EPB42: variants seen among roughly 807,000 people sequenced by gnomAD.
EPB42 encodes protein 4.2.
A neutral mutation model predicts 76.9 loss-of-function variants in EPB42; 49 were observed. That is an observed-to-expected ratio of 0.64 (90% CI 0.51 to 0.81). EPB42 has a LOEUF of 0.81. Ranked by LOEUF, EPB42 falls within the 30% of genes least tolerant of loss-of-function variation. EPB42 has a pLI of 0.00. For synonymous variants in EPB42, 310 were observed against 338.4 expected (o/e 0.92, Z 0.92); for missense variants, 731 against 867.6 (o/e 0.84, Z 1.98).
In EPB42 at chr15:43,208,702, A is replaced by G. The variant is rs1225115307; in HGVS notation, c.906T>C (p.Leu302=). 1 of 1,614,018 alleles carries G rather than the reference A, an allele frequency of 6.2e-7. No homozygotes were observed. The highest frequency in any genetic ancestry group is 8.5e-7 in the Non-Finnish European group (1 of 1,180,032). The change falls in exon 7 of 13, where the codon CTT becomes CTC. Residue 302 remains leucine (L), a synonymous_variant. Transcript: ENST00000441366. ...CCTCATTATAGTATTCATCTATGAG[A>G]AGACGCCCACCGGTGCCCTGTGCTG... ...FASAQGTGGR[L]LIDEYYNEEG...
intron 3 of EPB42, among the ~76,000 whole-genome samples, chr15:43,212,387 GAAAA>G (rs2042313899): frequency 8.0e-6 from 1 of 124,876 alleles, no homozygotes; most frequent in African/African-American, 3.2e-5. Context: ...AAAAAAAAAA[GAAAA>G]AAGAAAAAAA....
chr15:43,201,765 G>A, intron 12 of EPB42, 79 bp downstream of exon 12: 1 of 1,597,062 alleles, frequency 6.3e-7, no homozygotes, highest in East Asian at 2.2e-5. Flanking sequence ...ACATGGCAAA[G>A]AGAGAGTTTC....
intron 2 of EPB42, among the ~76,000 whole-genome samples, 194 bp downstream of exon 2, chr15:43,216,074 G>T (rs2042373538): frequency 6.6e-6 from 1 of 152,220 alleles, no homozygotes; most frequent in Non-Finnish European, 1.5e-5. Flanking sequence ...GGCAGCTTCT[G>T]AGTCATCATA....
chr15:43,220,861 G>A lies in EPB42; in HGVS notation c.-36C>T. The A allele has an allele frequency of 6.3e-7, 1 of 1,590,434 alleles. No homozygotes were observed. The highest frequency in any genetic ancestry group is 8.6e-7 in the Non-Finnish European group (1 of 1,164,736). On this transcript the variant is annotated 5_prime_UTR_variant, in exon 1 of 13. Transcript: ENST00000441366. ...CGCTCCTCTTATCCACTTGGCCGCAGAAAGCGCCTCTCTCAAACTGTTGCT... is the reference window on the plus strand; with the variant it reads ...CGCTCCTCTTATCCACTTGGCCGCAAAAAGCGCCTCTCTCAAACTGTTGCT...
chr15:43,198,232 G>A (rs921513030), intron 12 of EPB42, among the ~76,000 whole-genome samples: 3 of 152,214 alleles, frequency 2.0e-5, no homozygotes, highest in Non-Finnish European at 4.4e-5. Flanking sequence ...GAAGTGCTCA[G>A]AAGAAGATGA....
In EPB42 at chr15:43,197,281, A is replaced by T. The variant is rs201342599; in HGVS notation, c.*21T>A. 632 of 1,614,036 alleles carry T rather than the reference A, an allele frequency of 3.9e-4. 6 individuals carry two copies. Among genetic ancestry groups the T allele is most frequent in the South Asian group, 1.4e-3 (131 of 91,066 alleles). On this transcript the variant is annotated 3_prime_UTR_variant, in exon 13 of 13. Transcript: ENST00000441366. ...ATTGTAGAACAAGGGTTGGCAGGAG[A>T]GTGGTGATAGAGCTGGAAGTTTAAG...
intron 1 of EPB42, among the ~76,000 whole-genome samples, chr15:43,218,214 A>G (rs2042406090): frequency 6.6e-6 from 1 of 152,206 alleles, no homozygotes; most frequent in Non-Finnish European, 1.5e-5. Context: ...GCCTCTGCAG[A>G]CTGGTTGAGT....
chr15:43,202,590 T>C (rs908127030), intron 11 of EPB42, among the ~76,000 whole-genome samples: 1 of 152,202 alleles, frequency 6.6e-6, no homozygotes, highest in Non-Finnish European at 1.5e-5. Context: ...AAATGTTGTG[T>C]CTCCCTAACT....
At chr15:43,213,871 G>A (rs2042336664) in intron 3 of EPB42, among the ~76,000 whole-genome samples, 1 of 152,224 alleles carries the variant, frequency 6.6e-6, no homozygotes, top group Non-Finnish European at 1.5e-5. Flanking sequence ...GGAGAACGCT[G>A]CCCTGGACAG....
chr15:43,205,165 A>C (rs1045812078), intron 10 of EPB42, among the ~76,000 whole-genome samples: 4 of 152,088 alleles, frequency 2.6e-5, no homozygotes, highest in African/African-American at 7.2e-5. Context: ...ACTCCTTAGC[A>C]AGAGAGACAA....
In EPB42 at chr15:43,203,012, T is replaced by A. The variant is rs577464176; in HGVS notation, c.1779+103A>T. Reference sequence around the variant, plus strand: ...TCTTAAATGTAGCATTTTCTGGTAATCTTGCAGCACAGTCATCTGCTCTGA... The same window carrying A: ...TCTTAAATGTAGCATTTTCTGGTAAACTTGCAGCACAGTCATCTGCTCTGA... On this transcript the variant is annotated intron_variant, in intron 11 of 12. Coordinates refer to ENST00000441366, the MANE Select transcript of EPB42 (RefSeq NM_001114134.2). 18 of 1,413,938 alleles carry A rather than the reference T, an allele frequency of 1.3e-5. No individual in the cohort carries two copies. In the African/African-American group the frequency reaches 2.4e-4, roughly 19 times the overall value. 87.6% of individuals were successfully genotyped at this position (1,413,938 alleles called of 1,614,324 possible). A position where few individuals can be genotyped will look rare whatever the true frequency, so the allele number is the denominator to read the frequency against.
chr15:43,217,543 A>AG (rs1209817911), intron 1 of EPB42, among the ~76,000 whole-genome samples: 1 of 151,288 alleles, frequency 6.6e-6, no homozygotes, highest in Non-Finnish European at 1.5e-5. Flanking sequence ...TGCTGGAAAA[A>AG]AAGTTGGTTT....
At position 43,209,439 on chromosome 15, in the gene EPB42, T is replaced by C. The variant is rs758789897; in HGVS notation, c.667A>G (p.Lys223Glu). The C allele has an allele frequency of 6.2e-6, 10 of 1,610,134 alleles. No homozygotes were observed. In the South Asian group the frequency reaches 9.9e-5, roughly 16 times the overall value. Residue 223 changes from lysine (K) to glutamate (E), a missense_variant, in exon 6 of 13, where the codon AAG (lysine) becomes GAG (glutamate). Physicochemically the swap from Lys to Glu is moderately conservative, Grantham distance 56. Coordinates refer to ENST00000441366, the MANE Select transcript of EPB42 (RefSeq NM_001114134.2). ...RVLGALLHFL[K>E]EQRVLPTPQT... ...GGGGTGGGCAGGACCCTCTGCTCCT[T>C]GAGAAAATGCAGCTGTTTGGGGAAA...
At chr15:43,204,973 C>CCCT (rs2042179168) in intron 10 of EPB42, among the ~76,000 whole-genome samples, 1 of 145,316 alleles carries the variant, frequency 6.9e-6, no homozygotes, top group African/African-American at 2.6e-5. Context: ...CGCCCCCCCC[C>CCCT]CAAAAAAAAG....
At chr15:43,209,687 C>T in intron 5 of EPB42, 1 of 510,652 alleles carries the variant, frequency 2.0e-6, no homozygotes, top group East Asian at 3.1e-5. Context: ...TGGCTCCAGC[C>T]ACAAAGAGGA....
intron 12 of EPB42, among the ~76,000 whole-genome samples, chr15:43,200,480 A>G (rs1021715623): frequency 3.9e-5 from 6 of 152,252 alleles, no homozygotes; most frequent in African/African-American, 1.4e-4. Flanking sequence ...CTACAGATCA[A>G]TAAGAAGGAA....
chr15:43,210,969 G>C (rs1215748187), intron 4 of EPB42, among the ~76,000 whole-genome samples: 3 of 152,140 alleles, frequency 2.0e-5, no homozygotes, highest in Non-Finnish European at 4.4e-5. Flanking sequence ...CGGGGATTGG[G>C]GAAGGCTTCG....
At chr15:43,212,785 AT>A (rs751346029) in intron 3 of EPB42, among the ~76,000 whole-genome samples, 10 of 152,182 alleles carry the variant, frequency 6.6e-5, no homozygotes, top group Admixed American at 3.9e-4. Flanking sequence ...GCCATCACCC[AT>A]TCTGGGAAGC....
chr15:43,210,403 G>A lies in EPB42; in HGVS notation c.586C>T (p.Leu196=). The change falls in exon 5 of 13, where the codon CTG becomes TTG. Residue 196 remains leucine, a synonymous_variant. Coordinates refer to ENST00000441366, the MANE Select transcript of EPB42 (RefSeq NM_001114134.2). ...TTCTCTACCTGCTTGTCCTTGCTCA[G>A]CAAGCGCAGGCTGAGGTCAATGACA... ...GDVIDLSLRL[L]SKDKQVEKWS... 6.2e-7 allele frequency: 1 copy of A among 1,613,874 alleles called. No homozygotes were observed. Among genetic ancestry groups the A allele is most frequent in the Non-Finnish European group, 8.5e-7 (1 of 1,179,976 alleles).
Sources: gnomAD v4.1 joint callset for allele counts (sites outside exome capture counted in the v4.1 genomes callset) on GRCh38, gnomAD v4.1.1 for gene constraint, MANE v1.5 for transcripts, NCBI Gene and HGNC (gene_info 2026-07-23, HGNC 2026-07-21) for gene names.